Variants in PINK1 observed in about 807,000 individuals in gnomAD.
PINK1 encodes serine/threonine-protein kinase PINK1, mitochondrial.
PINK1 carries 58 observed loss-of-function variants against 56.0 expected under a neutral mutation model. The ratio of observed to expected loss-of-function variants is 1.04; its 90% CI spans 0.84 to 1.29. The LOEUF (loss-of-function observed/expected upper bound fraction) is 1.29. PINK1 is among the 50% of genes most tolerant of loss of function. The pLI is 0.00. For missense variants in PINK1, 745 were observed against 777.9 expected, an observed-to-expected ratio of 0.96 and a Z score of 0.50; for synonymous variants, 354 against 339.3, an observed-to-expected ratio of 1.04 and a Z score of -0.48.
intron 1 of PINK1, among the ~76,000 whole-genome samples, chr1:20,636,296 T>TAC (rs1283293348): frequency 2.0e-5 from 3 of 151,124 alleles, no homozygotes; most frequent in Non-Finnish European, 4.4e-5. Flanking sequence ...TTTATATATA[T>TAC]ACACACACAC....
At chr1:20,645,851 A>G (rs2053174182) in intron 5 of PINK1, 128 bp downstream of exon 5, 2 of 1,222,864 alleles carry the variant, frequency 1.6e-6, no homozygotes, top group African/African-American at 1.5e-5. Context: ...AGCTCCGCAC[A>G]CAAGAGGTTA....
At chr1:20,640,647 A>G (rs1158832101) in intron 3 of PINK1, among the ~76,000 whole-genome samples, 3 of 152,198 alleles carry the variant, frequency 2.0e-5, no homozygotes, top group African/African-American at 4.8e-5. Context: ...GCAAGTGAAC[A>G]GCAGCTACGC....
chr1:20,634,971 G>T (rs1357092772), intron 1 of PINK1, among the ~76,000 whole-genome samples: 1 of 152,134 alleles, frequency 6.6e-6, no homozygotes, highest in Non-Finnish European at 1.5e-5. Flanking sequence ...GCTCTGGCCA[G>T]TTTGGGGTGA....
chr1:20,642,892 T>A (rs915241073), intron 3 of PINK1: 1 of 152,184 alleles, frequency 6.6e-6, no homozygotes, highest in Non-Finnish European at 1.5e-5. Flanking sequence ...GGCCTCGAAC[T>A]CCTGGGCTCA....
rs767633723 is a variant in PINK1, at chr1:20,637,959, G to C, written c.505G>C (p.Ala169Pro). 8.7e-6 allele frequency: 14 copies of C among 1,614,192 alleles called. No homozygotes were observed. The highest frequency in any genetic ancestry group is 1.2e-5 in the Non-Finnish European group (14 of 1,180,020). Residue 169 changes from alanine (A) to proline (P), a missense_variant, in exon 2 of 8, where the codon GCT becomes CCT. Transcript: ENST00000321556. ...GTCCATTGGTAAGGGCTGCAGTGCTGCTGTGTATGAAGCCACCATGCCTAC... is the reference window on the plus strand; with the variant it reads ...GTCCATTGGTAAGGGCTGCAGTGCTCCTGTGTATGAAGCCACCATGCCTAC... The part of the protein sequence containing the change: ...GQSIGKGCSA[A>P]VYEATMPTLP...
At position 20,648,597 on chromosome 1, in the gene PINK1, G is replaced by C. The variant is rs959857439; in HGVS notation, c.1216G>C (p.Asp406His). The C allele has an allele frequency of 2.5e-6, 4 of 1,614,092 alleles. No individual in the cohort carries two copies. The highest frequency in any genetic ancestry group is 3.4e-6 in the Non-Finnish European group (4 of 1,180,040). The part of the protein sequence containing the change: ...LQLPFSSWYV[D>H]RGGNGCLMAP... ...GTTGCCCTTCAGCAGCTGGTACGTG[G>C]ATCGGGGCGGAAACGGCTGTCTGAT... is the stretch of plus-strand genomic sequence containing the variant. Residue 406 changes from aspartate (D) to histidine (H), a missense_variant, in exon 6 of 8, where the codon GAT becomes CAT. Coordinates refer to ENST00000321556, the MANE Select transcript of PINK1 (RefSeq NM_032409.3).
At chr1:20,649,909 A>G (rs2053244055) in intron 7 of PINK1, 1 of 212,070 alleles carries the variant, frequency 4.7e-6, no homozygotes, top group African/African-American at 2.3e-5. Flanking sequence ...AGATCTGGAC[A>G]TTGTGAAATT....
intron 7 of PINK1, chr1:20,649,576 C>A: frequency 3.4e-6 from 1 of 295,312 alleles, no homozygotes; most frequent in Non-Finnish European, 6.6e-6. Context: ...TCCAGCCTGG[C>A]CAACATGGTA....
At position 20,633,752 on chromosome 1, in the gene PINK1, C is replaced by T. The variant is rs1300774504; in HGVS notation, c.204C>T (p.Arg68=). ...RVGLGLPNRL[R]FFRQSVAGLA... is the part of the protein sequence containing the mutation. ...GGCTCGGGCTCCCTAACCGTCTCCG[C>T]TTCTTCCGCCAGTCGGTGGCCGGGC... The change falls in exon 1 of 8, where the codon CGC becomes CGT. Residue 68 remains arginine (R), a synonymous_variant. Transcript: ENST00000321556. 18 of 1,546,904 alleles carry T rather than the reference C, an allele frequency of 1.2e-5. No individual in the cohort carries two copies. In the Admixed American group the frequency reaches 3.1e-4, roughly 27 times the overall value.
At chr1:20,650,202 G>C (rs1254169192) in intron 7 of PINK1, 4 of 600,450 alleles carry the variant, frequency 6.7e-6, no homozygotes, top group African/African-American at 1.8e-5. Flanking sequence ...AGGGGGAAAG[G>C]CTATTTCAAC....
intron 2 of PINK1, 71 bp downstream of exon 2, chr1:20,638,200 T>C: frequency 6.5e-7 from 1 of 1,544,156 alleles, no homozygotes; most frequent in Middle Eastern, 2.1e-4. Flanking sequence ...CTGGTGAGGA[T>C]TTTTTCCAGG....
rs2053272463 is a variant in PINK1 at position 20,651,361 on chromosome 1, A to ATTT, written c.*672_*673insTTT. On this transcript the variant is annotated 3_prime_UTR_variant, in exon 8 of 8. Transcript: ENST00000321556. ...AACTGAATATTTGGCTTTAAGAATG[A>ATTT]TTCTTATACTCTGAAGGTGAGAATA... The ATTT allele has an allele frequency of 6.5e-6, 1 of 154,128 alleles. No homozygotes were observed. The highest frequency in any genetic ancestry group is 6.4e-5 in the Admixed American group (1 of 15,696). 9.5% of individuals were successfully genotyped at this position (154,128 alleles called of 1,614,324 possible).
intron 5 of PINK1, among the ~76,000 whole-genome samples, chr1:20,646,196 G>A (rs2053179281): frequency 6.6e-6 from 1 of 152,176 alleles, no homozygotes; most frequent in East Asian, 1.9e-4. Context: ...TTGGGAGGCT[G>A]AGGTCGGAGG....
Position 20,650,877 on chromosome 1 carries a change from C to A in PINK1, c.*186C>A. 1 of 739,728 alleles carries A rather than the reference C, an allele frequency of 1.4e-6. No homozygotes were observed. Among genetic ancestry groups the A allele is most frequent in the Non-Finnish European group, 2.2e-6 (1 of 448,906 alleles). The allele number at this position is 739,728 out of a possible 1,614,324, so 45.8% of individuals were successfully genotyped here. On this transcript the variant is annotated 3_prime_UTR_variant, in exon 8 of 8. Coordinates refer to ENST00000321556, the MANE Select transcript of PINK1 (RefSeq NM_032409.3). ...AGAGTTCAGTCTGCAGTCCTCTGCT[C>A]ACAGACATCTGAAAAGTGAATGGCC...
Position 20,648,495 on chromosome 1 carries a change from T to G in PINK1, c.1124-10T>G. ...GAGGAGAAATGGTCACTTTGCTTGCTCCTTCCCAGACGGCTGCCCCTGGCT... is the reference window on the plus strand; with the variant it reads ...GAGGAGAAATGGTCACTTTGCTTGCGCCTTCCCAGACGGCTGCCCCTGGCT... On this transcript the variant is annotated splice_polypyrimidine_tract_variant and intron_variant, in intron 5 of 7. Transcript: ENST00000321556. 6.2e-7 allele frequency: 1 copy of G among 1,614,098 alleles called. No individual in the cohort carries two copies. Among genetic ancestry groups the G allele is most frequent in the East Asian group, 2.2e-5 (1 of 44,880 alleles).
chr1:20,648,313 A>C (rs1345994832), intron 5 of PINK1, 192 bp from the exon 6 acceptor site: 3 of 713,918 alleles, frequency 4.2e-6, no homozygotes, highest in African/African-American at 3.5e-5. Context: ...GCCTGTACTT[A>C]CTGGAGGCAT....
chr1:20,640,192 T>C (rs1310864384), intron 3 of PINK1, among the ~76,000 whole-genome samples, 200 bp downstream of exon 3: 1 of 152,194 alleles, frequency 6.6e-6, no homozygotes, highest in Admixed American at 6.5e-5. Flanking sequence ...ATGATGCACT[T>C]GCGTAATTCA....
intron 7 of PINK1, 129 bp from the exon 8 acceptor site, chr1:20,650,305 C>T: frequency 8.0e-7 from 1 of 1,243,550 alleles, no homozygotes; most frequent in Non-Finnish European, 1.1e-6. Context: ...TGAAGGGCAT[C>T]AGTAGGAGAT....
intron 7 of PINK1, 107 bp downstream of exon 7, chr1:20,649,338 G>A (rs1374026712): frequency 4.1e-6 from 5 of 1,208,634 alleles, no homozygotes; most frequent in Admixed American, 3.6e-5. Context: ...GATCCTCTGT[G>A]TTAGGAAGGT....
Sources: allele counts gnomAD v4.1 joint callset (sites outside exome capture counted in the v4.1 genomes callset), GRCh38; gene constraint gnomAD v4.1.1; transcripts MANE v1.5; gene names NCBI Gene and HGNC (gene_info 2026-07-23, HGNC 2026-07-21).